NDUFAF2: variants seen among roughly 807,000 people sequenced by gnomAD.
NDUFAF2 encodes the protein NADH:ubiquinone oxidoreductase complex assembly factor 2.
A neutral mutation model predicts 22.8 loss-of-function variants in NDUFAF2; 13 were observed. That is an observed-to-expected ratio of 0.57 (90% confidence interval 0.37 to 0.91). The LOEUF is 0.91. Among genes scored for constraint, NDUFAF2 ranks in the 40% least tolerant of loss-of-function variants. The pLI, the probability that NDUFAF2 is intolerant of heterozygous loss-of-function variation, is 0.01. For missense variants in NDUFAF2, 162 were observed against 195.2 expected, an observed-to-expected ratio of 0.83 and a Z score of 1.01; for synonymous variants, 53 against 64.2, an observed-to-expected ratio of 0.83 and a Z score of 0.84.
intron 3 of NDUFAF2, among the ~76,000 whole-genome samples, chr5:61,132,602 T>TACTGAAA (rs1753126131): frequency 6.6e-6 from 1 of 152,184 alleles, no homozygotes; most frequent in African/African-American, 2.4e-5. Context: ...CCCTAATTAG[T>TACTGAAA]AGTCTAGCCT....
Position 61,078,973 on chromosome 5 carries a change from T to C in NDUFAF2, c.217+5759T>C, listed in dbSNP as rs971689861. Among the ~76,000 whole-genome samples the C allele has an allele frequency of 6.6e-5, 10 of 152,334 alleles. 1 individual carries two copies. The East Asian group carries it at 1.9e-3, about 29-fold the overall frequency. On this transcript the variant is annotated intron_variant, in intron 2 of 3. Transcript: ENST00000296597. ...TGTTTTTGGTAAGTTTAAGCTTGTT[T>C]CGTGTTAACAGTAATAAACATTTTT...
At chr5:61,097,469 C>T (rs1752658680) in intron 2 of NDUFAF2, among the ~76,000 whole-genome samples, 1 of 152,064 alleles carries the variant, frequency 6.6e-6, no homozygotes. Context: ...GGTTTCATAC[C>T]ATGGTAAAGT....
chr5:61,007,074 C>T (rs1202095797), intron 1 of NDUFAF2, among the ~76,000 whole-genome samples: 1 of 151,878 alleles, frequency 6.6e-6, no homozygotes, highest in Non-Finnish European at 1.5e-5. Context: ...ATTGCCTGTT[C>T]ATTCTGATGG....
intron 1 of NDUFAF2, among the ~76,000 whole-genome samples, chr5:61,050,037 T>C (rs868306186): frequency 6.6e-6 from 1 of 152,032 alleles, no homozygotes; most frequent in African/African-American, 2.4e-5. Flanking sequence ...CACATGGACA[T>C]ACAAATATCT....
chr5:60,945,916 C>A (rs4647029), intron 1 of NDUFAF2, among the ~76,000 whole-genome samples: 9,665 of 152,152 alleles, frequency 0.064, 1,012 homozygotes, highest in African/African-American at 0.22. Context: ...CTGGCTCCGG[C>A]GCTGGCCCCA....
intron 1 of NDUFAF2, among the ~76,000 whole-genome samples, chr5:61,068,667 T>TTATTA (rs1752258848): frequency 6.6e-6 from 1 of 152,152 alleles, no homozygotes; most frequent in Non-Finnish European, 1.5e-5. Context: ...GAAGTTTTAA[T>TTATTA]GAATCTATTA....
chr5:60,982,879 G>A (rs1273211845), intron 1 of NDUFAF2, among the ~76,000 whole-genome samples: 1 of 151,996 alleles, frequency 6.6e-6, no homozygotes, highest in Non-Finnish European at 1.5e-5. Context: ...TGTGTCTTTA[G>A]AGAAGCATGA....
chr5:61,075,916 A>G (rs1334155906), intron 2 of NDUFAF2, among the ~76,000 whole-genome samples: 3 of 152,174 alleles, frequency 2.0e-5, no homozygotes, highest in Non-Finnish European at 2.9e-5. Context: ...TTTATTTAGT[A>G]GGTATCTATT....
At chr5:60,958,057 A>G (rs1178315236) in intron 1 of NDUFAF2, among the ~76,000 whole-genome samples, 3 of 152,160 alleles carry the variant, frequency 2.0e-5, no homozygotes, top group Admixed American at 2.0e-4. Flanking sequence ...TTGGAAAACT[A>G]TATTGATTCT....
At chr5:61,046,978 A>ATTTTAG (rs1751961434) in intron 1 of NDUFAF2, among the ~76,000 whole-genome samples, 1 of 152,072 alleles carries the variant, frequency 6.6e-6, no homozygotes, top group Admixed American at 6.6e-5. Context: ...TTTGATCCTA[A>ATTTTAG]AATCACTACA....
chr5:61,023,518 T>G (rs1034492961), intron 1 of NDUFAF2, among the ~76,000 whole-genome samples: 14 of 152,160 alleles, frequency 9.2e-5, no homozygotes, highest in Admixed American at 2.0e-4. Flanking sequence ...TCTATGGAAG[T>G]CCAGTATAGT....
chr5:61,063,737 G>A (rs1173172042), intron 1 of NDUFAF2, among the ~76,000 whole-genome samples: 1 of 151,994 alleles, frequency 6.6e-6, no homozygotes, highest in Non-Finnish European at 1.5e-5. Flanking sequence ...AACTACAGCA[G>A]ATAGATGAAT....
At chr5:60,988,936 T>C (rs1294210697) in intron 1 of NDUFAF2, among the ~76,000 whole-genome samples, 1 of 152,182 alleles carries the variant, frequency 6.6e-6, no homozygotes, top group Non-Finnish European at 1.5e-5. Flanking sequence ...TGGGATCTAA[T>C]TAAACTAAAG....
At chr5:61,150,933 C>A (rs1006191180) in intron 3 of NDUFAF2, among the ~76,000 whole-genome samples, 1 of 152,188 alleles carries the variant, frequency 6.6e-6, no homozygotes, top group African/African-American at 2.4e-5. Context: ...TCTCTACTCT[C>A]ACCCTCACTT....
chr5:60,963,648 A>G (rs1750718976), intron 1 of NDUFAF2, among the ~76,000 whole-genome samples: 1 of 152,350 alleles, frequency 6.6e-6, no homozygotes, highest in South Asian at 2.1e-4. Context: ...GGCATTTGAG[A>G]TACTATATTA....
chr5:61,097,383 A>G (rs1164770500), intron 2 of NDUFAF2, among the ~76,000 whole-genome samples: 2 of 146,506 alleles, frequency 1.4e-5, no homozygotes, highest in African/African-American at 4.9e-5. Context: ...ATCATCTAAC[A>G]CAAAGCTTAC....
At chr5:61,062,040 G>T (rs1752170829) in intron 1 of NDUFAF2, among the ~76,000 whole-genome samples, 2 of 152,128 alleles carry the variant, frequency 1.3e-5, no homozygotes, top group Admixed American at 1.3e-4. Flanking sequence ...GGCATCCTTG[G>T]TACCATCTAC....
chr5:61,040,286 A>ACACACACGCGCGCGCGCGCG (rs1491193758), intron 1 of NDUFAF2, among the ~76,000 whole-genome samples: 3 of 93,094 alleles, frequency 3.2e-5, no homozygotes, highest in Admixed American at 2.0e-4. Context: ...ACACACACAC[A>ACACACACGCGCGCGCGCGCG]CGCGCGCGCG....
intron 1 of NDUFAF2, among the ~76,000 whole-genome samples, chr5:60,957,590 T>G (rs975003132): frequency 2.0e-5 from 3 of 152,122 alleles, no homozygotes; most frequent in African/African-American, 4.8e-5. Context: ...CCTCCTTAGA[T>G]GTCTTTTGCA....
Sources: allele counts gnomAD v4.1 joint callset (sites outside exome capture counted in the v4.1 genomes callset), GRCh38; gene constraint gnomAD v4.1.1; transcripts MANE v1.5; gene names NCBI Gene and HGNC (gene_info 2026-07-23, HGNC 2026-07-21).